ARFGEF3: variants seen among roughly 807,000 people sequenced by gnomAD.
ARFGEF3 encodes the protein ARFGEF family member 3.
A neutral mutation model predicts 221.7 loss-of-function variants in ARFGEF3; 96 were observed. The ratio of observed to expected loss-of-function variants is 0.43; its 90% CI spans 0.37 to 0.51. The LOEUF (loss-of-function observed/expected upper bound fraction) is 0.51. ARFGEF3 is among the 20% of genes least tolerant of loss of function. The probability of loss-of-function intolerance (pLI) is 0.00; values close to 1 mark genes in which losing one functional copy is unlikely to be tolerated. For missense variants in ARFGEF3, 2,410 were observed against 2,789.9 expected (o/e 0.86, Z 3.07); for synonymous variants, 1,145 against 1,126.8 (o/e 1.02, Z -0.32).
chr6:138,213,195 G>A (rs2876388), intron 4 of ARFGEF3, among the ~76,000 whole-genome samples: 10,519 of 151,476 alleles, frequency 0.069, 732 homozygotes, highest in East Asian at 0.36. Context: ...GGCTGAGGCA[G>A]GAGAATGGCA....
chr6:138,311,744 C>T (rs1779835395), intron 25 of ARFGEF3, among the ~76,000 whole-genome samples: 2 of 152,096 alleles, frequency 1.3e-5, no homozygotes, highest in Admixed American at 1.3e-4. Context: ...GAAACTTTTC[C>T]CTCACGCTCA....
chr6:138,263,914 T>C (rs1371225388), intron 12 of ARFGEF3, among the ~76,000 whole-genome samples: 1 of 152,228 alleles, frequency 6.6e-6, no homozygotes, highest in Non-Finnish European at 1.5e-5. Context: ...TGACAATCTG[T>C]AATTCTTAAA....
intron 2 of ARFGEF3, among the ~76,000 whole-genome samples, chr6:138,182,314 A>T (rs897255166): frequency 1.3e-4 from 20 of 152,212 alleles, no homozygotes; most frequent in African/African-American, 4.6e-4. Flanking sequence ...TGAGATATAT[A>T]CAATTAAATT....
intron 2 of ARFGEF3, among the ~76,000 whole-genome samples, chr6:138,200,707 G>A (rs1777519028): frequency 6.6e-6 from 1 of 152,160 alleles, no homozygotes; most frequent in African/African-American, 2.4e-5. Context: ...CCTAAGACCT[G>A]AAACTATAAA....
chr6:138,226,914 C>G (rs970853596), intron 4 of ARFGEF3, among the ~76,000 whole-genome samples: 1 of 152,190 alleles, frequency 6.6e-6, no homozygotes, highest in East Asian at 1.9e-4. Context: ...AGGGCATGGA[C>G]ACCATCAGCC....
At chr6:138,249,948 T>G (rs1778551505) in intron 8 of ARFGEF3, among the ~76,000 whole-genome samples, 1 of 152,128 alleles carries the variant, frequency 6.6e-6, no homozygotes, top group South Asian at 2.1e-4. Flanking sequence ...GATAGTCCCG[T>G]GCACCAGCTG....
chr6:138,280,523 G>T (rs903085944), intron 14 of ARFGEF3, among the ~76,000 whole-genome samples: 1 of 152,122 alleles, frequency 6.6e-6, no homozygotes, highest in African/African-American at 2.4e-5. Context: ...GTGTTCTTGG[G>T]GTTTACCAAT....
At chr6:138,184,163 T>A (rs1280173529) in intron 2 of ARFGEF3, among the ~76,000 whole-genome samples, 3 of 152,222 alleles carry the variant, frequency 2.0e-5, no homozygotes, top group Admixed American at 1.3e-4. Context: ...ACAAAATTTT[T>A]AAAATTATTC....
At chr6:138,314,279 C>T (rs990440209) in intron 26 of ARFGEF3, among the ~76,000 whole-genome samples, 1 of 152,120 alleles carries the variant, frequency 6.6e-6, no homozygotes, top group Non-Finnish European at 1.5e-5. Flanking sequence ...TACTAACTCA[C>T]GTTCATGATA....
At chr6:138,329,755 C>T (rs1780190304) in intron 32 of ARFGEF3, among the ~76,000 whole-genome samples, 1 of 152,206 alleles carries the variant, frequency 6.6e-6, no homozygotes, top group Non-Finnish European at 1.5e-5. Context: ...CTGCAGTGGA[C>T]AGAATGTGTC....
rs1167074937 is a variant in ARFGEF3 at position 138,319,883 on chromosome 6, T to C, written c.4651+4T>C. ...ATTCAAAGCTTTCTACATTCAGGTA[T>C]CTGAAGTGCCAGAGCAGTTCATTCT... On this transcript the variant is annotated splice_donor_region_variant and intron_variant, in intron 28 of 33. Coordinates refer to ENST00000251691, the MANE Select transcript of ARFGEF3 (RefSeq NM_020340.5). The C allele has an allele frequency of 6.2e-7, 1 of 1,613,438 alleles. No individual in the cohort carries two copies. The highest frequency in any genetic ancestry group is 8.5e-7 in the Non-Finnish European group (1 of 1,179,576).
intron 13 of ARFGEF3, 62 bp from the exon 14 acceptor site, chr6:138,279,937 C>T: frequency 3.9e-6 from 6 of 1,552,518 alleles, no homozygotes; most frequent in Non-Finnish European, 5.3e-6. Context: ...AGCAGAGGCA[C>T]TTAGGAGCCT....
chr6:138,169,845 A>G (rs1478174367), intron 1 of ARFGEF3, among the ~76,000 whole-genome samples: 2 of 152,182 alleles, frequency 1.3e-5, no homozygotes, highest in African/African-American at 4.8e-5. Flanking sequence ...ATATATGTAT[A>G]TATTTCACAT....
chr6:138,314,654 A>T (rs766379007), intron 26 of ARFGEF3, among the ~76,000 whole-genome samples: 1 of 152,240 alleles, frequency 6.6e-6, no homozygotes, highest in South Asian at 2.1e-4. Context: ...AGGAAGGCAT[A>T]GGATAGACAT....
chr6:138,162,797 C>T lies in ARFGEF3; in HGVS notation c.85+626C>T, dbSNP rs1360108208. ...TTCCAGGGAGCAAATTTGTGTTTCTCATCAGACTCAGGTTGCAGAACTCAG... is the reference window on the plus strand; with the variant it reads ...TTCCAGGGAGCAAATTTGTGTTTCTTATCAGACTCAGGTTGCAGAACTCAG... On this transcript the variant is annotated intron_variant, in intron 1 of 33. Transcript: ENST00000251691. This position sits in a 1 kb window ranked among gnomAD's most constrained non-coding sequence, Gnocchi z 4.7. Among the ~76,000 whole-genome samples the T allele has an allele frequency of 1.3e-5, 2 of 152,138 alleles. No individual in the cohort carries two copies. Among genetic ancestry groups the T allele is most frequent in the Non-Finnish European group, 2.9e-5 (2 of 68,024 alleles).
chr6:138,292,482 C>T (rs540299576), intron 19 of ARFGEF3, among the ~76,000 whole-genome samples: 21 of 152,164 alleles, frequency 1.4e-4, no homozygotes, highest in Non-Finnish European at 2.9e-4. Flanking sequence ...TCAAAAATCC[C>T]ACATGCATGT....
At chr6:138,320,766 C>T (rs1780009110) in intron 28 of ARFGEF3, among the ~76,000 whole-genome samples, 2 of 152,140 alleles carry the variant, frequency 1.3e-5, no homozygotes, top group Admixed American at 1.3e-4. Context: ...AACTGGTAAC[C>T]ATATCCCTAA....
At chr6:138,309,608 C>T (rs538307222) in intron 24 of ARFGEF3, among the ~76,000 whole-genome samples, 7 of 152,092 alleles carry the variant, frequency 4.6e-5, no homozygotes, top group Non-Finnish European at 1.0e-4. Flanking sequence ...AACATTCCTA[C>T]AATTATGGAG....
intron 29 of ARFGEF3, among the ~76,000 whole-genome samples, chr6:138,321,980 C>A (rs902646593): frequency 6.6e-6 from 1 of 152,134 alleles, no homozygotes; most frequent in Non-Finnish European, 1.5e-5. Flanking sequence ...TGGTGGCAGG[C>A]AAAGAGAGAG....
Sources: gnomAD v4.1 joint callset for allele counts (sites outside exome capture counted in the v4.1 genomes callset) on GRCh38, gnomAD v4.1.1 for gene constraint, Gnocchi (gnomAD v3.1) non-coding constraint, MANE v1.5 for transcripts, NCBI Gene and HGNC (gene_info 2026-07-23, HGNC 2026-07-21) for gene names.